Variants in C8orf34 observed in about 807,000 individuals in gnomAD.
C8orf34 encodes the protein uncharacterized protein C8orf34.
Under a neutral mutation model 68.3 loss-of-function variants are expected in C8orf34, and 65 were observed. The ratio of observed to expected loss-of-function variants is 0.95; its 90% confidence interval spans 0.78 to 1.17. The LOEUF is 1.17. Ranked by LOEUF, C8orf34 falls within the 50% of genes most tolerant of loss-of-function variation. C8orf34 has a pLI of 0.00. For missense variants in C8orf34, 664 were observed against 655.4 expected, an observed-to-expected ratio of 1.01 and a Z score of -0.14; for synonymous variants, 244 against 241.2, an observed-to-expected ratio of 1.01 and a Z score of -0.11.
chr8:68,648,919 T>C (rs929370598), intron 8 of C8orf34, among the ~76,000 whole-genome samples: 71 of 152,364 alleles, frequency 4.7e-4, no homozygotes, highest in African/African-American at 1.6e-3. Flanking sequence ...TCAAGTCTTA[T>C]CAATGTGAAC....
chr8:68,369,305 A>G (rs532080980), intron 1 of C8orf34, among the ~76,000 whole-genome samples: 65 of 152,338 alleles, frequency 4.3e-4, no homozygotes, highest in African/African-American at 1.5e-3. Flanking sequence ...ACAACCAAAT[A>G]TGCTTACAGG....
At chr8:68,742,417 G>T (rs892027012) in intron 10 of C8orf34, among the ~76,000 whole-genome samples, 1 of 152,204 alleles carries the variant, frequency 6.6e-6, no homozygotes, top group Non-Finnish European at 1.5e-5. Context: ...TCCCTCAGGT[G>T]TAAAGTCCTT....
intron 7 of C8orf34, among the ~76,000 whole-genome samples, chr8:68,617,921 C>G (rs1196154096): frequency 1.3e-5 from 2 of 152,116 alleles, no homozygotes; most frequent in African/African-American, 4.8e-5. Flanking sequence ...TTCAGGTACA[C>G]CAATCAGATG....
chr8:68,595,335 AT>A (rs1273092338), intron 7 of C8orf34, among the ~76,000 whole-genome samples: 2 of 152,082 alleles, frequency 1.3e-5, no homozygotes, highest in African/African-American at 4.8e-5. Context: ...GTCTAAAAAT[AT>A]CATTTTAAAA....
intron 6 of C8orf34, among the ~76,000 whole-genome samples, chr8:68,532,550 T>C (rs926641525): frequency 6.6e-6 from 1 of 152,034 alleles, no homozygotes; most frequent in African/African-American, 2.4e-5. Flanking sequence ...TATATACACA[T>C]ATGCAAAAGA....
At chr8:68,481,907 A>C (rs1812876521) in intron 4 of C8orf34, among the ~76,000 whole-genome samples, 1 of 152,136 alleles carries the variant, frequency 6.6e-6, no homozygotes, top group Admixed American at 6.5e-5. Context: ...TTAATGCTGA[A>C]ATGAGTTAAG....
At position 68,779,357 on chromosome 8, in the gene C8orf34, C is replaced by T. The variant is rs866321254; in HGVS notation, c.1455+2908C>T. Reference sequence around the variant, plus strand: ...TTGTCAATTCAAATGATTGAGAAGCCGTAAAGAACTAGACTGAAGTCAGTG... The same window carrying T: ...TTGTCAATTCAAATGATTGAGAAGCTGTAAAGAACTAGACTGAAGTCAGTG... On this transcript the variant is annotated intron_variant, in intron 11 of 13. Transcript: ENST00000518698. Among the ~76,000 whole-genome samples, 12 of 152,010 alleles carry T rather than the reference C, an allele frequency of 7.9e-5. No individual in the cohort carries two copies. The South Asian group carries it at 1.7e-3, about 21-fold the overall frequency.
chr8:68,565,211 G>A (rs73268487), intron 7 of C8orf34, among the ~76,000 whole-genome samples: 32,765 of 151,918 alleles, frequency 0.22, 4,686 homozygotes, highest in African/African-American at 0.41. Context: ...GTCTTTTTGG[G>A]TTTGTCTCTA....
chr8:68,549,980 A>G lies in C8orf34; in HGVS notation c.1105+16831A>G, dbSNP rs148470233. On this transcript the variant is annotated intron_variant, in intron 7 of 13. Coordinates refer to ENST00000518698, the MANE Select transcript of C8orf34 (RefSeq NM_052958.4). ...TCTATCCATTTAATTTAGTCTTTAT[A>G]CATGTTTATATTTAAAGAGAGTTTC... Among the ~76,000 whole-genome samples the G allele has an allele frequency of 1.3e-3, 203 of 151,880 alleles. 5 individuals carry two copies. The East Asian group carries it at 0.034, about 26-fold the overall frequency.
At chr8:68,345,527 A>G (rs1806242962) in intron 1 of C8orf34, among the ~76,000 whole-genome samples, 1 of 152,012 alleles carries the variant, frequency 6.6e-6, no homozygotes, top group Non-Finnish European at 1.5e-5. Context: ...TATAGGCCTG[A>G]CAGTTAACTA....
intron 4 of C8orf34, among the ~76,000 whole-genome samples, chr8:68,470,000 C>T (rs1025800898): frequency 1.3e-5 from 2 of 150,098 alleles, no homozygotes; most frequent in Admixed American, 1.3e-4. Flanking sequence ...TTCATTAGAC[C>T]CTTCTATATT....
intron 1 of C8orf34, among the ~76,000 whole-genome samples, chr8:68,399,979 T>C (rs1187896282): frequency 1.3e-5 from 2 of 152,186 alleles, no homozygotes; most frequent in African/African-American, 4.8e-5. Context: ...TGTATATTCA[T>C]GTCCTTTGCC....
At chr8:68,422,263 C>G (rs557441755) in intron 1 of C8orf34, among the ~76,000 whole-genome samples, 2 of 152,338 alleles carry the variant, frequency 1.3e-5, no homozygotes, top group Admixed American at 6.5e-5. Context: ...TCCCTTCCAT[C>G]TATCAGCCTG....
At chr8:68,673,333 T>C (rs762663628) in intron 8 of C8orf34, among the ~76,000 whole-genome samples, 25 of 151,832 alleles carry the variant, frequency 1.6e-4, no homozygotes, top group Non-Finnish European at 2.9e-5. Context: ...AAGTGGACTC[T>C]TGGGGTCCAC....
chr8:68,412,374 A>AT (rs1809479544), intron 1 of C8orf34, among the ~76,000 whole-genome samples: 2 of 152,184 alleles, frequency 1.3e-5, no homozygotes, highest in Non-Finnish European at 2.9e-5. Flanking sequence ...AATAGTTCTA[A>AT]TATAGAGGAA....
chr8:68,512,664 G>A (rs1814326560), intron 5 of C8orf34, among the ~76,000 whole-genome samples: 3 of 151,594 alleles, frequency 2.0e-5, no homozygotes, highest in African/African-American at 4.9e-5. Context: ...TCTTCTGCAA[G>A]ATTAATTTTC....
At chr8:68,418,869 A>G (rs1397810661) in intron 1 of C8orf34, among the ~76,000 whole-genome samples, 2 of 151,844 alleles carry the variant, frequency 1.3e-5, no homozygotes, top group Non-Finnish European at 2.9e-5. Flanking sequence ...ACCTAAAACC[A>G]TAAAAACCCT....
At chr8:68,596,441 T>C (rs981106416) in intron 7 of C8orf34, among the ~76,000 whole-genome samples, 3 of 152,116 alleles carry the variant, frequency 2.0e-5, no homozygotes, top group Non-Finnish European at 4.4e-5. Flanking sequence ...CTATGAACAG[T>C]ATGAGATTTT....
intron 7 of C8orf34, among the ~76,000 whole-genome samples, chr8:68,558,937 G>A (rs537517810): frequency 1.3e-5 from 2 of 152,262 alleles, no homozygotes; most frequent in East Asian, 3.9e-4. Context: ...AAGACATGCA[G>A]GGGAGAGAAT....
Sources: gnomAD v4.1 joint callset for allele counts (sites outside exome capture counted in the v4.1 genomes callset) on GRCh38, gnomAD v4.1.1 for gene constraint, MANE v1.5 for transcripts, NCBI Gene and HGNC (gene_info 2026-07-23, HGNC 2026-07-21) for gene names.